GPHN: variants seen among roughly 807,000 people sequenced by gnomAD.
GPHN encodes gephyrin.
In GPHN, 17 loss-of-function variants were observed where a neutral mutation model predicts 95.5. That is an observed-to-expected ratio of 0.18 (90% confidence interval 0.12 to 0.27). The LOEUF is 0.27. Among genes scored for constraint, GPHN ranks in the 10% least tolerant of loss-of-function variants. The pLI is 1.00. For missense variants in GPHN, 660 were observed against 978.1 expected (o/e 0.67, Z 4.34); for synonymous variants, 320 against 322.5 (o/e 0.99, Z 0.08).
At chr14:67,635,785 G>C in the GPHN span, among the ~76,000 whole-genome samples, 4 of 152,196 alleles carry the variant, frequency 2.6e-5, no homozygotes, top group African/African-American at 9.7e-5. Flanking sequence ...CCGGTGGGTG[G>C]AGGTTGCAGT....
chr14:67,477,632 A>G, the GPHN span, among the ~76,000 whole-genome samples: 1 of 151,980 alleles, frequency 6.6e-6, no homozygotes, highest in African/African-American at 2.4e-5. Context: ...CCTTTCCTAA[A>G]TCAAACCCAT....
chr14:67,128,918 G>A (rs1281602973), intron 17 of GPHN, among the ~76,000 whole-genome samples: 3 of 151,446 alleles, frequency 2.0e-5, no homozygotes, highest in Non-Finnish European at 4.4e-5. Flanking sequence ...GGGTTCAAGC[G>A]ATTCTCCTGC....
At chr14:67,317,059 A>G in the GPHN span, among the ~76,000 whole-genome samples, 1 of 152,270 alleles carries the variant, frequency 6.6e-6, no homozygotes, top group Admixed American at 6.5e-5. Context: ...AAAGGATAAG[A>G]TTTAAGTATT....
intron 1 of GPHN, among the ~76,000 whole-genome samples, chr14:66,668,736 C>CA (rs1003840367): frequency 4.6e-5 from 7 of 152,158 alleles, no homozygotes; most frequent in Non-Finnish European, 1.0e-4. Context: ...CCCCATGACA[C>CA]ACGTTTACCT....
chr14:67,039,624 T>C (rs2074596519), intron 10 of GPHN, among the ~76,000 whole-genome samples: 1 of 152,108 alleles, frequency 6.6e-6, no homozygotes, highest in Non-Finnish European at 1.5e-5. Context: ...TGAGATCTCA[T>C]CTCTATCAAA....
the GPHN span, among the ~76,000 whole-genome samples, chr14:67,435,382 A>G: frequency 7.2e-5 from 11 of 152,194 alleles, no homozygotes; most frequent in Non-Finnish European, 7.4e-5. Flanking sequence ...TCATGATCCA[A>G]TCACCTTTTA....
the GPHN span, among the ~76,000 whole-genome samples, chr14:67,489,491 G>A: frequency 2.0e-5 from 3 of 152,076 alleles, no homozygotes; most frequent in African/African-American, 7.2e-5. Context: ...CTGGGAGCGT[G>A]AAGAAGCAGA....
rs1431220219 is a variant in GPHN, at chr14:66,799,639, T to C, written c.201+23118T>C. Among the ~76,000 whole-genome samples the C allele has an allele frequency of 2.0e-5, 3 of 152,016 alleles. No individual in the cohort carries two copies. In the East Asian group the frequency reaches 5.8e-4, roughly 29 times the overall value. On this transcript the variant is annotated intron_variant, in intron 3 of 22. Coordinates refer to ENST00000478722, the MANE Select transcript of GPHN (RefSeq NM_020806.5). Reference sequence around the variant, plus strand: ...TATAAGTGTATCAATTCCTGCTCTTTTTATGTTTTTATTGGCATGGAATAT... The same window carrying C: ...TATAAGTGTATCAATTCCTGCTCTTCTTATGTTTTTATTGGCATGGAATAT...
the GPHN span, among the ~76,000 whole-genome samples, chr14:67,259,789 G>T: frequency 6.6e-6 from 1 of 151,640 alleles, no homozygotes; most frequent in African/African-American, 2.4e-5. Context: ...CCATGCGCCT[G>T]TAGTCCCAGC....
intron 17 of GPHN, among the ~76,000 whole-genome samples, chr14:67,127,269 G>A (rs7159426): frequency 0.011 from 1,694 of 150,270 alleles, 26 homozygotes; most frequent in African/African-American, 0.038. Flanking sequence ...AAAAAAAATG[G>A]CTTTGCAATT....
chr14:66,913,218 G>A (rs1182857909), intron 5 of GPHN, among the ~76,000 whole-genome samples: 1 of 152,140 alleles, frequency 6.6e-6, no homozygotes, highest in African/African-American at 2.4e-5. Flanking sequence ...TCCTCTATAA[G>A]TAAGCAAGTG....
At chr14:67,099,809 T>C (rs1483441216) in intron 12 of GPHN, among the ~76,000 whole-genome samples, 1 of 152,104 alleles carries the variant, frequency 6.6e-6, no homozygotes, top group Non-Finnish European at 1.5e-5. Flanking sequence ...AAAATATCAT[T>C]ATTAGTATGA....
At chr14:67,055,850 GT>G (rs770523748) in intron 10 of GPHN, among the ~76,000 whole-genome samples, 36 of 152,160 alleles carry the variant, frequency 2.4e-4, no homozygotes, top group Non-Finnish European at 5.0e-4. Context: ...CTTCTGGTGG[GT>G]TCGTGATCTC....
the GPHN span, chr14:67,334,025 T>C: frequency 6.6e-6 from 1 of 152,592 alleles, no homozygotes; most frequent in Non-Finnish European, 1.5e-5. Flanking sequence ...TGAAAACACT[T>C]GTTTAGCATT....
the GPHN span, chr14:67,724,592 G>T: frequency 1.2e-6 from 2 of 1,609,926 alleles, no homozygotes; most frequent in African/African-American, 1.3e-5. Context: ...GCTAGCCGAG[G>T]TAAGTGTTTC....
At chr14:66,543,570 A>G (rs1340601580) in intron 1 of GPHN, among the ~76,000 whole-genome samples, 1 of 152,208 alleles carries the variant, frequency 6.6e-6, no homozygotes, top group East Asian at 1.9e-4. Flanking sequence ...ACTTGACATT[A>G]CTATTTGGGT....
At chr14:66,990,921 T>A (rs2071375569) in intron 9 of GPHN, among the ~76,000 whole-genome samples, 1 of 151,844 alleles carries the variant, frequency 6.6e-6, no homozygotes, top group Non-Finnish European at 1.5e-5. Flanking sequence ...TTCAGAAGTG[T>A]GAGATAAGGA....
At chr14:67,206,663 G>T in the GPHN span, among the ~76,000 whole-genome samples, 12 of 152,124 alleles carry the variant, frequency 7.9e-5, no homozygotes, top group Admixed American at 6.5e-4. Context: ...TAAATAGAAA[G>T]ATCAGAGTGA....
At chr14:66,760,039 T>A (rs1003492035) in intron 2 of GPHN, among the ~76,000 whole-genome samples, 12 of 152,340 alleles carry the variant, frequency 7.9e-5, no homozygotes, top group Non-Finnish European at 1.3e-4. Flanking sequence ...GTTGTTTTCA[T>A]GCATTATGTC....
Sources: gnomAD v4.1 joint callset for allele counts (sites outside exome capture counted in the v4.1 genomes callset) on GRCh38, gnomAD v4.1.1 for gene constraint, MANE v1.5 for transcripts, NCBI Gene and HGNC (gene_info 2026-07-23, HGNC 2026-07-21) for gene names.